C6orf58: variants seen among roughly 807,000 people sequenced by gnomAD.
The protein encoded by C6orf58 is protein LEG1 homolog.
A neutral mutation model predicts 37.0 loss-of-function variants in C6orf58; 30 were observed. The ratio of observed to expected loss-of-function variants is 0.81; its 90% CI spans 0.61 to 1.10. The LOEUF (loss-of-function observed/expected upper bound fraction) is 1.10, where lower values mean the gene tolerates loss of function less well. C6orf58 is among the 50% of genes least tolerant of loss of function. The probability of loss-of-function intolerance (pLI) is 0.00; values close to 1 mark genes in which losing one functional copy is unlikely to be tolerated. For missense variants in C6orf58, 368 were observed against 387.5 expected (o/e 0.95, Z 0.42); for synonymous variants, 143 against 134.1 (o/e 1.07, Z -0.46).
Position 127,580,438 on chromosome 6 carries a change from A to G in C6orf58, c.562A>G (p.Thr188Ala), listed in dbSNP as rs1775037431. 1 of 1,611,368 alleles carries G rather than the reference A, an allele frequency of 6.2e-7. No individual in the cohort carries two copies. Among genetic ancestry groups the G allele is most frequent in the African/African-American group, 1.3e-5 (1 of 74,838 alleles). Residue 188 changes from threonine to alanine, a missense_variant, in exon 3 of 6, where the codon ACC becomes GCC. Thr to Ala is a moderately conservative substitution (Grantham distance 58). Coordinates refer to ENST00000329722, the MANE Select transcript of C6orf58 (RefSeq NM_001010905.3). ...SFPETMNKWN[T>A]FYQYLQSPFS... ...CCCTGAGACAATGAACAAGTGGAAC[A>G]CCTTTTACCAGGTTCCTTCTTTATA...
intron 4 of C6orf58, among the ~76,000 whole-genome samples, 157 bp downstream of exon 4, chr6:127,581,439 A>G (rs1412125518): frequency 6.6e-6 from 1 of 151,950 alleles, no homozygotes; most frequent in Admixed American, 6.6e-5. Context: ...TAAATATTTT[A>G]ACATGATCAG....
Position 127,590,277 on chromosome 6 carries a change from G to A in C6orf58, c.865G>A (p.Val289Ile), listed in dbSNP as rs761511783. 5.6e-6 allele frequency: 9 copies of A among 1,612,898 alleles called. No individual in the cohort carries two copies. The Admixed American group carries it at 1.5e-4, about 27-fold the overall frequency. ...CAGTGACTTTACTGCTTTTCAGAAT[G>A]TAGTCCTGGTTCTTCTAAATATGCT... Reference protein sequence around the residue: ...FISDFTAFQNVVLVLLNMLDN... With the variant: ...FISDFTAFQNIVLVLLNMLDN... Residue 289 changes from valine (V) to isoleucine (I), a missense_variant, in exon 5 of 6, where the codon GTA becomes ATA. Physicochemically the swap from Val to Ile is conservative, Grantham distance 29. Transcript: ENST00000329722.
intron 4 of C6orf58, among the ~76,000 whole-genome samples, chr6:127,583,364 TTA>T (rs1381860839): frequency 2.6e-5 from 4 of 152,182 alleles, no homozygotes; most frequent in Admixed American, 1.3e-4. Context: ...GAAATCTTCA[TTA>T]TCACATTATA....
chr6:127,584,787 A>G (rs555836299), intron 4 of C6orf58, among the ~76,000 whole-genome samples: 59 of 151,776 alleles, frequency 3.9e-4, no homozygotes, highest in African/African-American at 1.4e-3. Context: ...CATCTCCAAA[A>G]AAAAAAAAAA....
chr6:127,589,031 T>C (rs1775134415), intron 4 of C6orf58, among the ~76,000 whole-genome samples: 1 of 152,198 alleles, frequency 6.6e-6, no homozygotes, highest in Admixed American at 6.5e-5. Context: ...ATTATCTGGG[T>C]TATGTTATAG....
At chr6:127,581,095 C>T (rs1775045002) in intron 3 of C6orf58, 87 bp from the exon 4 acceptor site, 5 of 544,208 alleles carry the variant, frequency 9.2e-6, no homozygotes, top group African/African-American at 2.0e-5. Context: ...TACAATATTG[C>T]TAAAATATAT....
chr6:127,579,793 T>C (rs971519533), intron 2 of C6orf58, among the ~76,000 whole-genome samples: 3 of 152,112 alleles, frequency 2.0e-5, no homozygotes, highest in Non-Finnish European at 2.9e-5. Flanking sequence ...TTTAGTGATA[T>C]CATGATTACA....
At chr6:127,579,495 A>G (rs916182842) in intron 2 of C6orf58, among the ~76,000 whole-genome samples, 3 of 152,062 alleles carry the variant, frequency 2.0e-5, no homozygotes. Flanking sequence ...AGAGTTTGTT[A>G]TTCTTAGATT....
chr6:127,587,353 T>C (rs139722093), intron 4 of C6orf58, among the ~76,000 whole-genome samples: 4 of 152,302 alleles, frequency 2.6e-5, no homozygotes, highest in Admixed American at 2.6e-4. Context: ...TATATATAGG[T>C]GCACTATTAA....
chr6:127,580,141 T>A, intron 2 of C6orf58, 124 bp from the exon 3 acceptor site: 1 of 645,332 alleles, frequency 1.5e-6, no homozygotes, highest in Non-Finnish European at 2.6e-6. Flanking sequence ...ATTTTTTTCC[T>A]AATGGTTAGC....
chr6:127,590,205 G>A lies in C6orf58; in HGVS notation c.793G>A (p.Gly265Ser), dbSNP rs866353236. ...GATTAGATCATATAAGTTCCAGAAG[G>A]GCATGCCACCACGAATTCTTCTTAA... Reference protein sequence around the residue: ...TLIRSYKFQKGMPPRILLNTD... With the variant: ...TLIRSYKFQKSMPPRILLNTD... The change falls in exon 5 of 6, where the codon GGC (glycine) becomes AGC (serine). Residue 265 changes from glycine to serine, a missense_variant. Gly to Ser is a moderately conservative substitution (Grantham distance 56, BLOSUM62 0). Transcript: ENST00000329722. The A allele has an allele frequency of 6.2e-7, 1 of 1,613,654 alleles. No individual in the cohort carries two copies. Among genetic ancestry groups the A allele is most frequent in the Non-Finnish European group, 8.5e-7 (1 of 1,179,764 alleles).
intron 2 of C6orf58, among the ~76,000 whole-genome samples, chr6:127,579,994 A>G (rs1775030803): frequency 6.6e-6 from 1 of 152,072 alleles, no homozygotes; most frequent in African/African-American, 2.4e-5. Flanking sequence ...ATATTATGAT[A>G]TCCATTAAAA....
chr6:127,578,823 C>G, intron 2 of C6orf58, 51 bp downstream of exon 2: 1 of 1,321,326 alleles, frequency 7.6e-7, no homozygotes, highest in Non-Finnish European at 1.1e-6. Flanking sequence ...TGAAAGAAAG[C>G]ATTCAAACCT....
chr6:127,583,946 T>A (rs550762409), intron 4 of C6orf58, among the ~76,000 whole-genome samples: 16 of 152,324 alleles, frequency 1.1e-4, no homozygotes, highest in African/African-American at 3.8e-4. Context: ...TAGGAGTGGA[T>A]TTGATTGCTG....
intron 4 of C6orf58, among the ~76,000 whole-genome samples, chr6:127,589,806 T>G (rs2114301499): frequency 6.6e-6 from 1 of 152,286 alleles, no homozygotes; most frequent in Middle Eastern, 3.4e-3. Flanking sequence ...CTTTTGGTTA[T>G]TAGGTGGTAT....
At chr6:127,585,168 A>T (rs1775094159) in intron 4 of C6orf58, among the ~76,000 whole-genome samples, 1 of 152,314 alleles carries the variant, frequency 6.6e-6, no homozygotes, top group Admixed American at 6.5e-5. Context: ...ATTATTTGAC[A>T]ATGCTTTCCA....
intron 4 of C6orf58, 45 bp downstream of exon 4, chr6:127,581,327 A>T: frequency 1.2e-6 from 1 of 837,248 alleles, no homozygotes; most frequent in Non-Finnish European, 1.8e-6. Flanking sequence ...ATGATAAATA[A>T]TTTTGGGCAT....
At chr6:127,590,613 G>A (rs1164076761) in intron 5 of C6orf58, among the ~76,000 whole-genome samples, 2 of 151,528 alleles carry the variant, frequency 1.3e-5, no homozygotes, top group Non-Finnish European at 2.9e-5. Context: ...TCTACATACC[G>A]ATATATATTC....
At chr6:127,590,503 G>A (rs553308278) in intron 5 of C6orf58, among the ~76,000 whole-genome samples, 178 bp downstream of exon 5, 12 of 152,132 alleles carry the variant, frequency 7.9e-5, no homozygotes, top group Admixed American at 7.9e-4. Flanking sequence ...ACCATTTAAT[G>A]AGCACACATT....
Sources: allele counts gnomAD v4.1 joint callset (sites outside exome capture counted in the v4.1 genomes callset), GRCh38; gene constraint gnomAD v4.1.1; transcripts MANE v1.5; gene names NCBI Gene and HGNC (gene_info 2026-07-23, HGNC 2026-07-21).